FARS2: variants seen among roughly 807,000 people sequenced by gnomAD.
FARS2 encodes the protein phenylalanyl-tRNA synthetase 2, mitochondrial, also known as phenylalanine--tRNA ligase, mitochondrial.
In FARS2, 40 loss-of-function variants were observed where a neutral mutation model predicts 46.4. The observed-to-expected ratio is 0.86, with a 90% confidence interval of 0.67 to 1.12. FARS2 has a LOEUF of 1.12. Ranked by LOEUF, FARS2 falls within the 50% of genes most tolerant of loss-of-function variation. FARS2 has a pLI of 0.00. For synonymous variants in FARS2, 234 were observed against 214.9 expected (o/e 1.09, Z -0.78); for missense variants, 513 against 567.9 (o/e 0.90, Z 0.98).
chr6:5,607,029 C>G (rs550883573), intron 5 of FARS2, among the ~76,000 whole-genome samples: 3 of 151,930 alleles, frequency 2.0e-5, no homozygotes, highest in African/African-American at 7.3e-5. Flanking sequence ...TATGAAAACT[C>G]CATAGAGCAC....
chr6:5,316,802 A>T (rs887401898), intron 1 of FARS2, among the ~76,000 whole-genome samples: 2 of 152,194 alleles, frequency 1.3e-5, no homozygotes, highest in Non-Finnish European at 1.5e-5. Context: ...TATCCACAAC[A>T]GGCTTTTCTC....
chr6:5,617,023 T>C (rs973010863), intron 6 of FARS2, among the ~76,000 whole-genome samples: 6 of 152,084 alleles, frequency 3.9e-5, no homozygotes, highest in African/African-American at 1.4e-4. Context: ...AGGGGAATGC[T>C]GAATGGGCAT....
intron 1 of FARS2, among the ~76,000 whole-genome samples, chr6:5,318,860 A>C (rs1769756027): frequency 6.6e-6 from 1 of 152,108 alleles, no homozygotes; most frequent in African/African-American, 2.4e-5. Flanking sequence ...CCAGTCAGCA[A>C]CTGCCATGCA....
At chr6:5,513,678 G>C (rs992028491) in intron 4 of FARS2, among the ~76,000 whole-genome samples, 1 of 152,112 alleles carries the variant, frequency 6.6e-6, no homozygotes, top group Non-Finnish European at 1.5e-5. Context: ...GGTTGTCCAG[G>C]GTGATAAGAA....
intron 5 of FARS2, among the ~76,000 whole-genome samples, chr6:5,586,461 A>T (rs1022120748): frequency 1.3e-5 from 2 of 152,056 alleles, no homozygotes; most frequent in East Asian, 3.9e-4. Flanking sequence ...CATGATTTTT[A>T]TCTGCATTCT....
chr6:5,519,600 C>T (rs902714660), intron 4 of FARS2, among the ~76,000 whole-genome samples: 2 of 152,134 alleles, frequency 1.3e-5, no homozygotes, highest in South Asian at 4.2e-4. Context: ...GTACTCCCAA[C>T]AAGGCCAACG....
At chr6:5,344,181 C>T (rs905638323) in intron 1 of FARS2, among the ~76,000 whole-genome samples, 2 of 152,176 alleles carry the variant, frequency 1.3e-5, no homozygotes, top group Non-Finnish European at 2.9e-5. Context: ...AGGAAAGCCA[C>T]TGCAGCTGTT....
chr6:5,536,795 GA>G (rs999865119), intron 4 of FARS2, among the ~76,000 whole-genome samples: 16 of 152,298 alleles, frequency 1.1e-4, no homozygotes, highest in African/African-American at 3.9e-4. Context: ...GAGAGAATGA[GA>G]AAGATCTTCT....
chr6:5,548,189 A>G (rs1771156635), intron 5 of FARS2, among the ~76,000 whole-genome samples: 1 of 152,164 alleles, frequency 6.6e-6, no homozygotes, highest in South Asian at 2.1e-4. Context: ...CATTACCTCC[A>G]CCTGAGTTGC....
rs1032996982 is a variant in FARS2 at position 5,471,103 on chromosome 6, A to C, written c.904+39931A>C. On this transcript the variant is annotated intron_variant, in intron 4 of 6. Coordinates refer to ENST00000274680, the MANE Select transcript of FARS2 (RefSeq NM_006567.5). The surrounding 1 kb of genome is among the most constrained non-coding windows in gnomAD (Gnocchi z 4.1). ...TACATGTTAACAATAAGTGAACCCCACTGAGGGGTTTCAGCCACTGAGAGA... is the reference window on the plus strand; with the variant it reads ...TACATGTTAACAATAAGTGAACCCCCCTGAGGGGTTTCAGCCACTGAGAGA... Among the ~76,000 whole-genome samples, 2 of 152,194 alleles carry C rather than the reference A, an allele frequency of 1.3e-5. No individual in the cohort carries two copies. The highest frequency in any genetic ancestry group is 4.8e-5 in the African/African-American group (2 of 41,448).
chr6:5,413,096 T>G lies in FARS2; in HGVS notation c.772+8395T>G, dbSNP rs987094302. ...ACTTTTCCTTAGATGTCTAGTGAAG[T>G]GGGAAAATATATACTAGGGTTGATC... On this transcript the variant is annotated intron_variant, in intron 3 of 6. Coordinates refer to ENST00000274680, the MANE Select transcript of FARS2 (RefSeq NM_006567.5). Among the ~76,000 whole-genome samples, 9 of 152,006 alleles carry G rather than the reference T, an allele frequency of 5.9e-5. 1 individual carries two copies. Among genetic ancestry groups the G allele is most frequent in the Non-Finnish European group, 8.8e-5 (6 of 68,002 alleles).
At chr6:5,546,408 G>A (rs1342251692) in intron 5 of FARS2, among the ~76,000 whole-genome samples, 5 of 151,140 alleles carry the variant, frequency 3.3e-5, no homozygotes, top group African/African-American at 9.7e-5. Context: ...CCACCACTAC[G>A]CCCAGCTAAT....
At chr6:5,700,676 G>A (rs924761152) in intron 6 of FARS2, among the ~76,000 whole-genome samples, 6 of 152,166 alleles carry the variant, frequency 3.9e-5, no homozygotes, top group Non-Finnish European at 7.4e-5. Flanking sequence ...GATTACAGGC[G>A]TGGCCACAAC....
chr6:5,532,949 T>C (rs1769955278), intron 4 of FARS2, among the ~76,000 whole-genome samples: 1 of 152,152 alleles, frequency 6.6e-6, no homozygotes, highest in African/African-American at 2.4e-5. Context: ...TACAAAACTT[T>C]TTTTTTTCAA....
upstream of FARS2, among the ~76,000 whole-genome samples, chr6:5,259,852 A>C (rs1764899218): frequency 6.6e-6 from 1 of 152,254 alleles, no homozygotes; most frequent in Non-Finnish European, 1.5e-5. Flanking sequence ...GAGAGAATCC[A>C]TAAGAAAATG....
intron 6 of FARS2, among the ~76,000 whole-genome samples, chr6:5,726,841 G>A (rs902122223): frequency 1.3e-5 from 2 of 152,182 alleles, no homozygotes; most frequent in African/African-American, 4.8e-5. Context: ...AGAGACAGTG[G>A]GCCCTTCCCT....
intron 6 of FARS2, among the ~76,000 whole-genome samples, chr6:5,729,348 C>T (rs1189779057): frequency 6.6e-6 from 1 of 152,166 alleles, no homozygotes; most frequent in Non-Finnish European, 1.5e-5. Context: ...TCCCAGCCCT[C>T]CCACGGGCAC....
At chr6:5,599,350 G>T (rs577490533) in intron 5 of FARS2, among the ~76,000 whole-genome samples, 4 of 151,456 alleles carry the variant, frequency 2.6e-5, no homozygotes, top group Non-Finnish European at 4.4e-5. Flanking sequence ...GAAAAGAAAT[G>T]CTATGGAAGA....
In FARS2 at chr6:5,404,683, G is replaced by T; in HGVS notation, c.754G>T (p.Ala252Ser). The T allele has an allele frequency of 1.3e-6, 2 of 1,597,530 alleles. No homozygotes were observed. The change falls in exon 3 of 7, where the codon GCA (alanine) becomes TCA (serine). Residue 252 changes from alanine to serine, a missense_variant. Ala to Ser is a moderately conservative substitution (Grantham distance 99). Transcript: ENST00000274680. ...TAAGCAAACGCTTACCAGGCTCATG[G>T]CACATCTTTTTGGAGATGGTAAGTG... ...DLKQTLTRLM[A>S]HLFGDELEIR...
Sources: allele counts gnomAD v4.1 joint callset (sites outside exome capture counted in the v4.1 genomes callset), GRCh38; gene constraint gnomAD v4.1.1; non-coding constraint Gnocchi (gnomAD v3.1); transcripts MANE v1.5; gene names NCBI Gene and HGNC (gene_info 2026-07-23, HGNC 2026-07-21).